SLC35F4: variants seen among roughly 807,000 people sequenced by gnomAD.
SLC35F4 encodes the protein chromosome 14 open reading frame 36.
A neutral mutation model predicts 44.2 loss-of-function variants in SLC35F4; 24 were observed. The ratio of observed to expected loss-of-function variants is 0.54; its 90% CI spans 0.39 to 0.76. The LOEUF is 0.76. Among genes scored for constraint, SLC35F4 ranks in the 30% least tolerant of loss-of-function variants. The pLI is 0.00. For synonymous variants in SLC35F4, 238 were observed against 223.6 expected (o/e 1.06, Z -0.57); for missense variants, 562 against 586.1 (o/e 0.96, Z 0.42).
At chr14:57,829,185 G>T (rs1469435536) in intron 1 of SLC35F4, among the ~76,000 whole-genome samples, 1 of 152,096 alleles carries the variant, frequency 6.6e-6, no homozygotes, top group African/African-American at 2.4e-5. Flanking sequence ...GACCACCAGG[G>T]GCAGAAGTCA....
At chr14:57,928,770 A>G (rs909527714) in intron 1 of SLC35F4, among the ~76,000 whole-genome samples, 4 of 152,272 alleles carry the variant, frequency 2.6e-5, no homozygotes, top group African/African-American at 7.2e-5. Flanking sequence ...CCTGACAAGA[A>G]TTTTGAAGCA....
chr14:57,957,940 C>T (rs185480573), intron 1 of SLC35F4, among the ~76,000 whole-genome samples: 5 of 152,232 alleles, frequency 3.3e-5, no homozygotes, highest in South Asian at 2.1e-4. Context: ...TCATTATTCA[C>T]GAATTCAGTG....
intron 1 of SLC35F4, among the ~76,000 whole-genome samples, chr14:57,937,193 G>A (rs534887931): frequency 5.3e-5 from 8 of 151,566 alleles, no homozygotes; most frequent in Non-Finnish European, 8.8e-5. Flanking sequence ...TCAGTCTCCC[G>A]AGTAGCTGGG....
intron 1 of SLC35F4, among the ~76,000 whole-genome samples, chr14:57,713,360 T>C (rs1177466031): frequency 2.0e-5 from 3 of 152,194 alleles, no homozygotes; most frequent in Admixed American, 6.5e-5. Flanking sequence ...ATGCCCTTGA[T>C]GTGATGTGTT....
upstream of SLC35F4, among the ~76,000 whole-genome samples, chr14:57,866,800 C>T (rs1179096313): frequency 6.6e-6 from 1 of 151,950 alleles, no homozygotes; most frequent in African/African-American, 2.4e-5. Flanking sequence ...TAGAGCCTTT[C>T]CATTAGAGCA....
chr14:57,969,887 G>A (rs758864708), intron 1 of SLC35F4, among the ~76,000 whole-genome samples: 4 of 152,146 alleles, frequency 2.6e-5, no homozygotes, highest in Non-Finnish European at 5.9e-5. Flanking sequence ...TACCAAATTT[G>A]CTCCTCAACG....
chr14:57,777,962 C>A (rs996907417), intron 1 of SLC35F4, among the ~76,000 whole-genome samples: 4 of 152,114 alleles, frequency 2.6e-5, no homozygotes, highest in African/African-American at 9.7e-5. Context: ...CATGGTTTGG[C>A]TGTGTCCCCA....
intron 2 of SLC35F4, among the ~76,000 whole-genome samples, chr14:57,591,736 C>G (rs1320655264): frequency 1.3e-5 from 2 of 152,188 alleles, no homozygotes; most frequent in Non-Finnish European, 2.9e-5. Flanking sequence ...GTTCTGTTTC[C>G]TGGCAGGAAT....
intron 1 of SLC35F4, among the ~76,000 whole-genome samples, chr14:57,644,515 C>T (rs1313439001): frequency 7.3e-5 from 11 of 151,626 alleles, no homozygotes; most frequent in African/African-American, 2.7e-4. Context: ...TGGATATTAG[C>T]CCTTTGTCAG....
rs8022973 is a variant in SLC35F4, at chr14:57,921,788, C to A, written n.282+60125G>T. Among the ~76,000 whole-genome samples, 474 of 152,250 alleles carry A rather than the reference C, an allele frequency of 3.1e-3. 3 individuals are homozygous for A. Among genetic ancestry groups the A allele is most frequent in the African/African-American group, 0.011 (455 of 41,546 alleles). On this transcript the variant is annotated intron_variant and non_coding_transcript_variant, in intron 1 of 1. Coordinates refer to the SLC35F4 transcript ENST00000556568. ...CGGGCCCACTACTATTTTAGTATGA[C>A]CTCGTCTGAACTAATTACATCTGCA...
At chr14:57,794,122 G>A (rs953404280) in intron 1 of SLC35F4, among the ~76,000 whole-genome samples, 1 of 152,004 alleles carries the variant, frequency 6.6e-6, no homozygotes, top group Admixed American at 6.6e-5. Context: ...GAAAACCTAG[G>A]GAAAACTCTT....
At chr14:57,976,326 A>T (rs1373990355), downstream of SLC35F4, among the ~76,000 whole-genome samples, 1 of 152,146 alleles carries the variant, frequency 6.6e-6, no homozygotes, top group Non-Finnish European at 1.5e-5. Context: ...GGGCAGGGGG[A>T]GGCCAGATGA....
At chr14:57,901,888 T>G (rs963023317) in intron 1 of SLC35F4, among the ~76,000 whole-genome samples, 3 of 152,122 alleles carry the variant, frequency 2.0e-5, no homozygotes, top group African/African-American at 4.8e-5. Context: ...GCTGATAAGA[T>G]GCAAAGCCAG....
intron 1 of SLC35F4, among the ~76,000 whole-genome samples, chr14:57,684,741 C>T (rs1276266501): frequency 6.6e-6 from 1 of 152,178 alleles, no homozygotes; most frequent in African/African-American, 2.4e-5. Flanking sequence ...GCACCATATG[C>T]CAGTCTTCTC....
In SLC35F4 at chr14:57,772,877, T is replaced by C. The variant is rs116478311; in HGVS notation, c.103+92846A>G. On this transcript the variant is annotated intron_variant, in intron 1 of 7. Transcript: ENST00000556826. ...TTTCCCTTAGGTAGATAACCAATAG[T>C]GGGATTGCCAGATCAAATGGTAGTT... is the stretch of plus-strand genomic sequence containing the variant. Among the ~76,000 whole-genome samples the C allele has an allele frequency of 5.5e-3, 835 of 152,314 alleles. 6 individuals are homozygous for C. The highest frequency in any genetic ancestry group is 0.019 in the African/African-American group (786 of 41,566).
chr14:57,975,176 AC>A (rs1242789446), downstream of SLC35F4, among the ~76,000 whole-genome samples: 1 of 152,200 alleles, frequency 6.6e-6, no homozygotes, highest in Non-Finnish European at 1.5e-5. Flanking sequence ...AACACTGACC[AC>A]TTTTCTTGCA....
chr14:57,714,423 T>G (rs1594863573), intron 1 of SLC35F4, among the ~76,000 whole-genome samples: 1 of 152,354 alleles, frequency 6.6e-6, no homozygotes, highest in African/African-American at 2.4e-5. Context: ...ACTTTAAACT[T>G]AGGAATTCTG....
intron 1 of SLC35F4, among the ~76,000 whole-genome samples, chr14:57,728,414 T>A (rs2076257667): frequency 8.4e-6 from 1 of 119,190 alleles, no homozygotes; most frequent in African/African-American, 3.1e-5. Flanking sequence ...GTACCTTCCA[T>A]TGATTTTTCT....
intron 3 of SLC35F4, among the ~76,000 whole-genome samples, chr14:57,584,814 C>A: frequency 6.6e-6 from 1 of 151,932 alleles, no homozygotes; most frequent in East Asian, 1.9e-4. Flanking sequence ...TGAGATACTT[C>A]TTTTTATATA....
Sources: allele counts gnomAD v4.1 joint callset (sites outside exome capture counted in the v4.1 genomes callset), GRCh38; gene constraint gnomAD v4.1.1; transcripts MANE v1.5; gene names NCBI Gene and HGNC (gene_info 2026-07-23, HGNC 2026-07-21).